The following ANO10 variants were observed in gnomAD, a reference collection of about 807,000 sequenced individuals.
ANO10 encodes the protein anoctamin 10, also known as anoctamin-10.
Under a neutral mutation model 74.7 loss-of-function variants are expected in ANO10, and 77 were observed. That is an observed-to-expected ratio of 1.03 (90% CI 0.86 to 1.25). ANO10 has a LOEUF of 1.25. Ranked by LOEUF, ANO10 falls within the 50% of genes most tolerant of loss-of-function variation. The probability of loss-of-function intolerance (pLI) is 0.00; values close to 1 mark genes in which losing one functional copy is unlikely to be tolerated. For missense variants in ANO10, 721 were observed against 778.1 expected, an observed-to-expected ratio of 0.93 and a Z score of 0.87; for synonymous variants, 279 against 284.9, an observed-to-expected ratio of 0.98 and a Z score of 0.21.
At chr3:43,544,796 T>TAAA (rs556665373) in intron 11 of ANO10, among the ~76,000 whole-genome samples, 34 of 110,914 alleles carry the variant, frequency 3.1e-4, no homozygotes, top group South Asian at 5.7e-4. Context: ...CTGTCTGAAA[T>TAAA]AAAAAAAAAA....
At chr3:43,571,340 T>C (rs866517548) in intron 7 of ANO10, among the ~76,000 whole-genome samples, 1 of 152,212 alleles carries the variant, frequency 6.6e-6, no homozygotes, top group Non-Finnish European at 1.5e-5. Context: ...ACTGAGTATA[T>C]ACCCAAAGGA....
At chr3:43,506,771 A>T (rs1425334263) in intron 11 of ANO10, among the ~76,000 whole-genome samples, 1 of 151,974 alleles carries the variant, frequency 6.6e-6, no homozygotes, top group Admixed American at 6.5e-5. Context: ...CCCAGAAATC[A>T]TTCTCCCTAG....
In ANO10 at chr3:43,366,303, G is replaced by A. The variant is rs1020028168; in HGVS notation, c.*603C>T. On this transcript the variant is annotated 3_prime_UTR_variant, in exon 13 of 13. Coordinates refer to ENST00000292246, the MANE Select transcript of ANO10 (RefSeq NM_018075.5). ...GACCTCACCAAGTGCTTCAGAAAAG[G>A]GAAGCCCATTGCGGTACCTATGTAG... 2 of 159,172 alleles carry A rather than the reference G, an allele frequency of 1.3e-5. No homozygotes were observed. Among genetic ancestry groups the A allele is most frequent in the African/African-American group, 2.4e-5 (1 of 41,568 alleles). 9.9% of individuals were successfully genotyped at this position (159,172 alleles called of 1,614,324 possible). A position where few individuals can be genotyped will look rare whatever the true frequency, so the allele number is the denominator to read the frequency against.
chr3:43,372,816 C>T (rs951375029), intron 12 of ANO10: 36 of 1,534,918 alleles, frequency 2.3e-5, no homozygotes, highest in Non-Finnish European at 2.6e-5. Flanking sequence ...CCATGAATAC[C>T]GTGGAAGAGA....
chr3:43,421,872 G>A (rs923329932), intron 12 of ANO10, among the ~76,000 whole-genome samples: 6 of 151,942 alleles, frequency 3.9e-5, no homozygotes, highest in Non-Finnish European at 5.9e-5. Context: ...GGTAAAATAC[G>A]TGTAACATAA....
intron 1 of ANO10, among the ~76,000 whole-genome samples, chr3:43,616,577 A>C (rs1365034768): frequency 6.6e-6 from 1 of 152,160 alleles, no homozygotes; most frequent in Admixed American, 6.5e-5. Flanking sequence ...GGGCTTTTTT[A>C]GTGCAAGCTG....
intron 12 of ANO10, among the ~76,000 whole-genome samples, chr3:43,391,326 C>T (rs530675238): frequency 3.0e-4 from 45 of 152,132 alleles, no homozygotes; most frequent in Non-Finnish European, 5.9e-4. Flanking sequence ...AATAAAGCTG[C>T]AACTGACTAT....
At chr3:43,623,930 A>T (rs907818613), upstream of ANO10, among the ~76,000 whole-genome samples, 1 of 152,168 alleles carries the variant, frequency 6.6e-6, no homozygotes, top group Non-Finnish European at 1.5e-5. Flanking sequence ...TTTTGTTTTT[A>T]AATTGTACTC....
intron 1 of ANO10, among the ~76,000 whole-genome samples, chr3:43,684,501 A>T (rs892505168): frequency 6.6e-6 from 1 of 152,182 alleles, no homozygotes; most frequent in Non-Finnish European, 1.5e-5. Context: ...AACTCGTTCA[A>T]CCATTGTGGA....
intron 12 of ANO10, among the ~76,000 whole-genome samples, chr3:43,421,849 GT>G (rs71688579): frequency 0.98 from 148,921 of 151,910 alleles, 73,062 homozygotes; most frequent in East Asian, 1. Context: ...AAAAAAAAAA[GT>G]TTTTTTATTG....
At chr3:43,592,823 T>C (rs1450982339) in intron 4 of ANO10, among the ~76,000 whole-genome samples, 1 of 152,160 alleles carries the variant, frequency 6.6e-6, no homozygotes, top group African/African-American at 2.4e-5. Context: ...AAGGAGGATG[T>C]TGGAACCCAT....
chr3:43,387,504 C>A (rs181261564), intron 12 of ANO10, among the ~76,000 whole-genome samples: 1 of 152,174 alleles, frequency 6.6e-6, no homozygotes, highest in Admixed American at 6.5e-5. Flanking sequence ...AGGCCCTACA[C>A]GCAGCTGGGA....
intron 11 of ANO10, among the ~76,000 whole-genome samples, chr3:43,546,288 A>G (rs1205722350): frequency 6.6e-6 from 1 of 152,202 alleles, no homozygotes; most frequent in Non-Finnish European, 1.5e-5. Context: ...TACACACTGA[A>G]ACAGCCAAAA....
intron 4 of ANO10, among the ~76,000 whole-genome samples, chr3:43,594,466 A>G (rs1334043341): frequency 1.3e-5 from 2 of 152,234 alleles, no homozygotes; most frequent in African/African-American, 4.8e-5. Context: ...CTCACTCAGA[A>G]CTGCTCAGCT....
At chr3:43,676,351 C>A (rs2084121317) in intron 1 of ANO10, among the ~76,000 whole-genome samples, 1 of 151,772 alleles carries the variant, frequency 6.6e-6, no homozygotes, top group South Asian at 2.1e-4. Context: ...GTCCCAGGTA[C>A]ACAGAGGTTG....
chr3:43,650,164 T>C (rs2149567967), intron 1 of ANO10, among the ~76,000 whole-genome samples: 1 of 152,196 alleles, frequency 6.6e-6, no homozygotes, highest in African/African-American at 2.4e-5. Context: ...GTGGGGGTTT[T>C]ATTGAGTGGT....
At chr3:43,506,567 C>A (rs2077301310) in intron 11 of ANO10, among the ~76,000 whole-genome samples, 1 of 152,194 alleles carries the variant, frequency 6.6e-6, no homozygotes, top group Admixed American at 6.5e-5. Flanking sequence ...CTAAAAATCC[C>A]TGTGTGATCC....
At chr3:43,538,810 C>T (rs558597626) in intron 11 of ANO10, among the ~76,000 whole-genome samples, 1 of 152,284 alleles carries the variant, frequency 6.6e-6, no homozygotes, top group Non-Finnish European at 1.5e-5. Context: ...GTTTCAGCTT[C>T]CTCAACCCAA....
At chr3:43,448,691 A>G (rs961509204) in intron 11 of ANO10, among the ~76,000 whole-genome samples, 1 of 152,140 alleles carries the variant, frequency 6.6e-6, no homozygotes, top group Admixed American at 6.6e-5. Context: ...TAAGTTTTCA[A>G]CCCATTTGGG....
Sources: gnomAD v4.1 joint callset for allele counts (sites outside exome capture counted in the v4.1 genomes callset) on GRCh38, gnomAD v4.1.1 for gene constraint, MANE v1.5 for transcripts, NCBI Gene and HGNC (gene_info 2026-07-23, HGNC 2026-07-21) for gene names.